Variants in PALM observed in about 807,000 individuals in gnomAD.
PALM encodes the protein paralemmin, also known as paralemmin-1.
Under a neutral mutation model 30.7 loss-of-function variants are expected in PALM, and 18 were observed. The ratio of observed to expected loss-of-function variants is 0.59; its 90% CI spans 0.41 to 0.87. The LOEUF (loss-of-function observed/expected upper bound fraction) is 0.87. Among genes scored for constraint, PALM ranks in the 40% least tolerant of loss-of-function variants. The probability of loss-of-function intolerance (pLI) is 0.00; values close to 1 mark genes in which losing one functional copy is unlikely to be tolerated. For missense variants in PALM, 529 were observed against 555.4 expected, an observed-to-expected ratio of 0.95 and a Z score of 0.48; for synonymous variants, 286 against 242.8, an observed-to-expected ratio of 1.18 and a Z score of -1.66.
chr19:740,474 G>A lies in PALM; in HGVS notation c.625G>A (p.Glu209Lys), dbSNP rs774952467. The A allele has an allele frequency of 1.7e-5, 26 of 1,551,236 alleles. No individual in the cohort carries two copies. Among genetic ancestry groups the A allele is most frequent in the East Asian group, 2.4e-5 (1 of 41,002 alleles). ...LPLGIKVYED[E>K]TKVVHAVDGT... Reference sequence around the variant, plus strand: ...TCTGGGCATCAAAGTCTACGAGGACGAGACCAAAGGTACGAGCACCCCGGC... The same window carrying A: ...TCTGGGCATCAAAGTCTACGAGGACAAGACCAAAGGTACGAGCACCCCGGC... The change falls in exon 8 of 9, where the codon GAG becomes AAG. Residue 209 changes from glutamate to lysine, a missense_variant. By Grantham distance (56) the Glu-to-Lys change is moderately conservative (BLOSUM62 1). Transcript: ENST00000338448.
intron 1 of PALM, among the ~76,000 whole-genome samples, chr19:722,139 C>T (rs922915344): frequency 1.3e-5 from 2 of 150,848 alleles, no homozygotes; most frequent in African/African-American, 2.4e-5. Flanking sequence ...AGGATGGTCT[C>T]GATCTCCTGA....
intron 1 of PALM, among the ~76,000 whole-genome samples, chr19:724,019 AAGC>A (rs769502680): frequency 5.4e-4 from 82 of 151,230 alleles, no homozygotes; most frequent in Non-Finnish European, 2.9e-4. Flanking sequence ...GGAAGCGAGA[AAGC>A]AGTGGGGTGG....
intron 1 of PALM, among the ~76,000 whole-genome samples, chr19:717,596 C>G (rs1255346514): frequency 2.0e-5 from 3 of 152,040 alleles, no homozygotes; most frequent in South Asian, 2.1e-4. Context: ...GTAGTTACCC[C>G]CCGAGATGGT....
At position 735,492 on chromosome 19, in the gene PALM, C is replaced by T. The variant is rs376487337; in HGVS notation, c.443-527C>T. Among the ~76,000 whole-genome samples the T allele has an allele frequency of 1.4e-4, 8 of 58,496 alleles. No individual in the cohort carries two copies. The East Asian group carries it at 3.2e-3, about 24-fold the overall frequency. 38.4% of individuals were successfully genotyped at this position (58,496 alleles called of 152,430 possible). ...GTCTGGGGGCCCAGGTGCCTGTGTC[C>T]GGGTGTCTGGGTGGGATCTGTGTGT... On this transcript the variant is annotated intron_variant, in intron 6 of 8. Transcript: ENST00000338448.
At chr19:731,940 C>T (rs916965295) in intron 5 of PALM, among the ~76,000 whole-genome samples, 2 of 152,042 alleles carry the variant, frequency 1.3e-5, no homozygotes, top group Non-Finnish European at 2.9e-5. Context: ...TGGGATTACA[C>T]GCATGAGTCA....
In PALM at chr19:734,177, C is replaced by T. The variant is rs758029885; in HGVS notation, c.425C>T (p.Pro142Leu). The T allele has an allele frequency of 1.3e-5, 21 of 1,613,834 alleles. No individual in the cohort carries two copies. The highest frequency in any genetic ancestry group is 1.4e-5 in the Non-Finnish European group (16 of 1,179,958). Residue 142 changes from proline to leucine, a missense_variant, in exon 6 of 9, where the codon CCG (proline) becomes CTG (leucine). Coordinates refer to ENST00000338448, the MANE Select transcript of PALM (RefSeq NM_002579.3). ...TEVVMNSQQTPVGTPKDKRVS... is the reference protein window; with the variant it reads ...TEVVMNSQQTLVGTPKDKRVS... Reference sequence around the variant, plus strand: ...CTTCTCTCTTCTTTCTTGCAGACGCCGGTGGGCACGCCCAAAGGTAGGACC... The same window carrying T: ...CTTCTCTCTTCTTTCTTGCAGACGCTGGTGGGCACGCCCAAAGGTAGGACC...
chr19:734,552 A>T (rs1034733400), intron 6 of PALM: 8 of 265,146 alleles, frequency 3.0e-5, no homozygotes, highest in Non-Finnish European at 5.1e-5. Flanking sequence ...AAACATAAAA[A>T]AATTAGCCGC....
intron 1 of PALM, among the ~76,000 whole-genome samples, chr19:710,071 G>T (rs914771558): frequency 6.6e-6 from 1 of 152,158 alleles, no homozygotes; most frequent in African/African-American, 2.4e-5. Flanking sequence ...TCACCCACCT[G>T]CCCACTTCAG....
intron 8 of PALM, among the ~76,000 whole-genome samples, chr19:744,391 C>T (rs929246212): frequency 7.7e-6 from 1 of 130,394 alleles, no homozygotes; most frequent in African/African-American, 2.7e-5. Context: ...CAGAGCGAGA[C>T]TCCATCTCAA....
rs1555686492 is a variant in PALM, at chr19:709,911, T to TGTG, written c.5+761_5+762insTGG. ...CCCCGCATGGCTGCGCCTGTGTGTG[T>TGTG]GGGGGGGGGGTGGCCAGTGGAGGCA... On this transcript the variant is annotated intron_variant, in intron 1 of 8. Coordinates refer to ENST00000338448, the MANE Select transcript of PALM (RefSeq NM_002579.3). The surrounding 1 kb of genome is among the most constrained non-coding windows in gnomAD (Gnocchi z 4.3). Among the ~76,000 whole-genome samples the TGTG allele has an allele frequency of 4.2e-3, 625 of 147,574 alleles. 8 individuals carry two copies. Among genetic ancestry groups the TGTG allele is most frequent in the Admixed American group, 0.031 (464 of 14,894 alleles).
intron 1 of PALM, among the ~76,000 whole-genome samples, chr19:724,377 A>G (rs2032592098): frequency 6.7e-6 from 1 of 150,228 alleles, no homozygotes; most frequent in Non-Finnish European, 1.5e-5. Flanking sequence ...GCTGGAGTGC[A>G]GTGGCGCGAT....
In PALM at chr19:746,143, G is replaced by A. The variant is rs763506991; in HGVS notation, c.635-142G>A. 2.4e-5 allele frequency: 15 copies of A among 633,924 alleles called. No individual in the cohort carries two copies. The highest frequency in any genetic ancestry group is 3.6e-5 in the Non-Finnish European group (13 of 362,184). The allele number at this position is 633,924 out of a possible 1,614,324, so 39.3% of individuals were successfully genotyped here. On this transcript the variant is annotated intron_variant, in intron 8 of 8. Transcript: ENST00000338448. The surrounding 1 kb of genome is among the most constrained non-coding windows in gnomAD (Gnocchi z 7.1). ...GCTTTAATTGTCTGTCAGTTCTGAC[G>A]GTGTAATCTAGTTCGTGATTTCCTC...
At chr19:717,253 G>A (rs183044506) in intron 1 of PALM, among the ~76,000 whole-genome samples, 1 of 152,180 alleles carries the variant, frequency 6.6e-6, no homozygotes, top group Non-Finnish European at 1.5e-5. Flanking sequence ...CACCACAATT[G>A]TAGAACATTT....
chr19:734,273 G>A, intron 6 of PALM, 79 bp downstream of exon 6: 1 of 1,432,462 alleles, frequency 7.0e-7, no homozygotes, highest in Non-Finnish European at 9.8e-7. Flanking sequence ...GGGGAGTGAA[G>A]CTACAAAGTT....
At chr19:726,388 G>A (rs1355705029) in intron 2 of PALM, among the ~76,000 whole-genome samples, 199 bp downstream of exon 2, 2 of 152,296 alleles carry the variant, frequency 1.3e-5, no homozygotes, top group Admixed American at 6.5e-5. Flanking sequence ...CTGGACCCCC[G>A]GCCTCGCTCT....
intron 1 of PALM, among the ~76,000 whole-genome samples, chr19:720,541 G>A (rs1415187103): frequency 6.9e-6 from 1 of 144,440 alleles, no homozygotes; most frequent in Non-Finnish European, 1.5e-5. Context: ...GGGCGAGAGG[G>A]GCGCCCGGGC....
chr19:728,866 T>C (rs906473512), intron 4 of PALM, among the ~76,000 whole-genome samples: 3 of 151,960 alleles, frequency 2.0e-5, no homozygotes, highest in African/African-American at 7.3e-5. Flanking sequence ...TAGCCAGGCG[T>C]GGTGGCGGGC....
chr19:726,277 C>T (rs1203980613), intron 2 of PALM, 88 bp downstream of exon 2: 8 of 1,083,146 alleles, frequency 7.4e-6, no homozygotes, highest in African/African-American at 3.1e-5. Context: ...GTCCTAGGAC[C>T]TGGAACCAGG....
chr19:723,918 A>G (rs542461485), intron 1 of PALM, among the ~76,000 whole-genome samples: 14 of 151,414 alleles, frequency 9.2e-5, no homozygotes, highest in African/African-American at 3.4e-4. Context: ...TTTACTAAGC[A>G]CCTACTACGT....
Sources: allele counts gnomAD v4.1 joint callset (sites outside exome capture counted in the v4.1 genomes callset), GRCh38; gene constraint gnomAD v4.1.1; non-coding constraint Gnocchi (gnomAD v3.1); transcripts MANE v1.5; gene names NCBI Gene and HGNC (gene_info 2026-07-23, HGNC 2026-07-21).